Variants in MRE11 observed in about 807,000 individuals in gnomAD.
The protein encoded by MRE11 is MRE11 double strand break repair nuclease.
Under a neutral mutation model 91.7 loss-of-function variants are expected in MRE11, and 62 were observed. The observed-to-expected ratio is 0.68, with a 90% confidence interval of 0.55 to 0.84. The LOEUF is 0.84. Among genes scored for constraint, MRE11 ranks in the 40% least tolerant of loss-of-function variants. MRE11 has a pLI of 0.00. For missense variants in MRE11, 796 were observed against 852.9 expected (o/e 0.93, Z 0.83); for synonymous variants, 273 against 271.4 (o/e 1.01, Z -0.06).
At chr11:94,424,058 T>C (rs1452316544) in intron 19 of MRE11, among the ~76,000 whole-genome samples, 2 of 152,130 alleles carry the variant, frequency 1.3e-5, no homozygotes, top group East Asian at 1.9e-4. Context: ...GTGCCAGTGA[T>C]AGGAGGGACC....
chr11:94,495,676 A>G (rs1185192132), upstream of MRE11, among the ~76,000 whole-genome samples: 1 of 152,212 alleles, frequency 6.6e-6, no homozygotes, highest in Non-Finnish European at 1.5e-5. Flanking sequence ...TTAAAAATTA[A>G]TATGGCAGCT....
chr11:94,477,052 CA>C (rs1946880973), intron 6 of MRE11, among the ~76,000 whole-genome samples: 1 of 152,104 alleles, frequency 6.6e-6, no homozygotes, highest in East Asian at 1.9e-4. Context: ...TAGTTAGTTG[CA>C]TTTGAAAAAC....
intron 18 of MRE11, among the ~76,000 whole-genome samples, chr11:94,430,618 T>C (rs1945439326): frequency 6.6e-6 from 1 of 151,850 alleles, no homozygotes; most frequent in African/African-American, 2.4e-5. Flanking sequence ...CATGCCACCA[T>C]GCCCAGCTAA....
chr11:94,475,853 A>G (rs1194300029), intron 7 of MRE11, among the ~76,000 whole-genome samples: 2 of 152,230 alleles, frequency 1.3e-5, no homozygotes, highest in East Asian at 3.8e-4. Flanking sequence ...GATCTCAGTA[A>G]TGTAATGCTG....
At chr11:94,445,958 C>T (rs1945918410) in intron 15 of MRE11, 65 bp from the exon 16 acceptor site, 3 of 1,183,340 alleles carry the variant, frequency 2.5e-6, no homozygotes, top group South Asian at 2.5e-5. Context: ...TCATACAACA[C>T]TAAAAAATGA....
At chr11:94,464,568 A>T (rs1482331625) in intron 10 of MRE11, among the ~76,000 whole-genome samples, 1 of 152,180 alleles carries the variant, frequency 6.6e-6, no homozygotes, top group Non-Finnish European at 1.5e-5. Flanking sequence ...AATTTTCTGA[A>T]CTTTCAAAAC....
intron 17 of MRE11, 85 bp downstream of exon 17, chr11:94,437,092 T>C (rs1206258062): frequency 8.2e-7 from 1 of 1,226,028 alleles, no homozygotes; most frequent in Admixed American, 2.0e-5. Flanking sequence ...TCTTCTTTTA[T>C]TTACTTTGTA....
intron 7 of MRE11, among the ~76,000 whole-genome samples, chr11:94,472,365 A>G (rs1946740346): frequency 6.6e-6 from 1 of 152,124 alleles, no homozygotes; most frequent in African/African-American, 2.4e-5. Context: ...CCCTAATATT[A>G]ACTTACATCA....
intron 2 of MRE11, among the ~76,000 whole-genome samples, chr11:94,492,134 A>G (rs1431971260): frequency 1.3e-5 from 2 of 151,980 alleles, no homozygotes; most frequent in Admixed American, 6.6e-5. Context: ...TCTTTCCCAC[A>G]TAACTTTTTT....
At chr11:94,494,818 G>T (rs937997121), upstream of MRE11, among the ~76,000 whole-genome samples, 11 of 151,996 alleles carry the variant, frequency 7.2e-5, no homozygotes, top group Non-Finnish European at 2.9e-5. Flanking sequence ...TAAGATCTGT[G>T]GTATAAGGTT....
intron 3 of MRE11, among the ~76,000 whole-genome samples, chr11:94,490,274 G>A (rs991396815): frequency 1.3e-5 from 2 of 151,982 alleles, no homozygotes; most frequent in African/African-American, 2.4e-5. Context: ...ACTGTCTCAC[G>A]GGTTTCCTCA....
At chr11:94,425,717 T>C (rs541472) in intron 19 of MRE11, among the ~76,000 whole-genome samples, 63,022 of 152,002 alleles carry the variant, frequency 0.41, 13,407 homozygotes, top group South Asian at 0.49. Context: ...ATATAGCCGA[T>C]TTTAAACCAA....
intron 19 of MRE11, among the ~76,000 whole-genome samples, chr11:94,425,564 T>A (rs2134763102): frequency 6.6e-6 from 1 of 152,236 alleles, no homozygotes; most frequent in Middle Eastern, 3.4e-3. Context: ...GCAAGTTGGA[T>A]AAAAGGACAA....
At chr11:94,439,290 A>C (rs1037189174) in intron 16 of MRE11, among the ~76,000 whole-genome samples, 5 of 152,156 alleles carry the variant, frequency 3.3e-5, no homozygotes, top group Non-Finnish European at 5.9e-5. Context: ...TTAAAAAAAA[A>C]CCCACCAAAT....
At chr11:94,487,849 T>A (rs1479225473) in intron 3 of MRE11, among the ~76,000 whole-genome samples, 1 of 152,226 alleles carries the variant, frequency 6.6e-6, no homozygotes, top group Non-Finnish European at 1.5e-5. Flanking sequence ...GAGACTGATG[T>A]TGTTTCAAAA....
intron 14 of MRE11, among the ~76,000 whole-genome samples, chr11:94,451,774 G>A (rs542845501): frequency 2.1e-4 from 32 of 152,230 alleles, no homozygotes; most frequent in Non-Finnish European, 3.4e-4. Context: ...CAAATAAGCT[G>A]ATGAATAAGT....
chr11:94,482,446 T>G (rs562858174), intron 4 of MRE11, among the ~76,000 whole-genome samples: 1 of 152,216 alleles, frequency 6.6e-6, no homozygotes, highest in African/African-American at 2.4e-5. Context: ...AGTTTACCAC[T>G]CACTGACACT....
At chr11:94,423,134 G>A (rs942519936) in intron 19 of MRE11, among the ~76,000 whole-genome samples, 2 of 152,224 alleles carry the variant, frequency 1.3e-5, no homozygotes, top group African/African-American at 4.8e-5. Context: ...CATATTTTGA[G>A]CAGATCTTTG....
chr11:94,492,967 A>G (rs1277181093), intron 1 of MRE11, 61 bp from the exon 2 acceptor site: 13 of 668,440 alleles, frequency 1.9e-5, no homozygotes, highest in Non-Finnish European at 3.4e-5. Flanking sequence ...TTTAACCAAC[A>G]TGATTTACGC....
Sources: gnomAD v4.1 joint callset for allele counts (sites outside exome capture counted in the v4.1 genomes callset) on GRCh38, gnomAD v4.1.1 for gene constraint, MANE v1.5 for transcripts, NCBI Gene and HGNC (gene_info 2026-07-23, HGNC 2026-07-21) for gene names.